The following MDM1 variants were observed in gnomAD, a reference collection of about 807,000 sequenced individuals.
MDM1 encodes Mdm1 nuclear protein.
Under a neutral mutation model 89.1 loss-of-function variants are expected in MDM1, and 61 were observed. The observed-to-expected ratio is 0.68, with a 90% CI of 0.56 to 0.85. The LOEUF (loss-of-function observed/expected upper bound fraction) is 0.85. Ranked by LOEUF, MDM1 falls within the 40% of genes least tolerant of loss-of-function variation. The pLI is 0.00. For synonymous variants in MDM1, 290 were observed against 294.1 expected, an observed-to-expected ratio of 0.99 and a Z score of 0.14; for missense variants, 820 against 846.5, an observed-to-expected ratio of 0.97 and a Z score of 0.39.
At chr12:68,308,127 C>CTTTTTTTT (rs774192759) in intron 12 of MDM1, among the ~76,000 whole-genome samples, 1 of 138,858 alleles carries the variant, frequency 7.2e-6, no homozygotes, top group Non-Finnish European at 1.6e-5. Flanking sequence ...GCTGTTCCTT[C>CTTTTTTTT]TTTTTTTTTT....
At chr12:68,301,933 C>T (rs907269308) in intron 13 of MDM1, among the ~76,000 whole-genome samples, 2 of 152,110 alleles carry the variant, frequency 1.3e-5, no homozygotes, top group Non-Finnish European at 2.9e-5. Context: ...CTGCCTTGGC[C>T]TCCCAAAGTG....
intron 13 of MDM1, 137 bp from the exon 14 acceptor site, chr12:68,297,119 T>TA: frequency 2.2e-6 from 1 of 452,342 alleles, no homozygotes; most frequent in Non-Finnish European, 3.8e-6. Flanking sequence ...AGTAAAGGTT[T>TA]AAGAAATGAA....
Position 68,295,328 on chromosome 12 carries a change from C to T in MDM1, c.2101G>A (p.Ala701Thr), listed in dbSNP as rs748685132. 1 of 1,613,176 alleles carries T rather than the reference C, an allele frequency of 6.2e-7. No individual in the cohort carries two copies. The highest frequency in any genetic ancestry group is 1.3e-5 in the African/African-American group (1 of 74,894). The change falls in exon 15 of 15, where the codon GCT (alanine) becomes ACT (threonine). Residue 701 changes from alanine to threonine, a missense_variant. Transcript: ENST00000682720. ...RLSEISARSA[A>T]SSLRAFQTLA... ...GTTTGAAAAGCCCGGAGACTAGAAGCTGCAGAGCGAGCAGAAATCTCAGAC... is the reference window on the plus strand; with the variant it reads ...GTTTGAAAAGCCCGGAGACTAGAAGTTGCAGAGCGAGCAGAAATCTCAGAC...
At chr12:68,306,392 G>C (rs1028892304) in intron 12 of MDM1, among the ~76,000 whole-genome samples, 11 of 152,042 alleles carry the variant, frequency 7.2e-5, no homozygotes, top group Non-Finnish European at 1.2e-4. Flanking sequence ...AAAAACAAAT[G>C]TAACAAAAAC....
At chr12:68,310,495 AGCTC>A (rs1310190607) in intron 12 of MDM1, among the ~76,000 whole-genome samples, 4 of 152,316 alleles carry the variant, frequency 2.6e-5, no homozygotes, top group African/African-American at 9.6e-5. Flanking sequence ...GTTGCCTAAA[AGCTC>A]ACACCTTCCA....
chr12:68,302,906 C>G (rs373758206), intron 12 of MDM1, 34 bp from the exon 13 acceptor site: 7 of 1,309,496 alleles, frequency 5.3e-6, no homozygotes, highest in Non-Finnish European at 7.4e-6. Flanking sequence ...AAAAAAGATG[C>G]CTATGTGTAG....
At position 68,325,620 on chromosome 12, in the gene MDM1, T is replaced by C. The variant is rs375824811; in HGVS notation, c.499-45A>G. ...CACTCAAAGACATTAAAAATTTCTA[T>C]TCAAACTTTTTAAAAATTGTGGTAA... is the stretch of plus-strand genomic sequence containing the variant. On this transcript the variant is annotated intron_variant, in intron 3 of 14. Transcript: ENST00000682720. The C allele has an allele frequency of 1.1e-5, 16 of 1,444,742 alleles. No individual in the cohort carries two copies. In the African/African-American group the frequency reaches 2.0e-4, roughly 18 times the overall value. The allele number at this position is 1,444,742 out of a possible 1,614,324, so 89.5% of individuals were successfully genotyped here. A position where few individuals can be genotyped will look rare whatever the true frequency, so the allele number is the denominator to read the frequency against.
chr12:68,308,305 T>C (rs1165493645), intron 12 of MDM1, among the ~76,000 whole-genome samples: 2 of 152,152 alleles, frequency 1.3e-5, no homozygotes, highest in African/African-American at 4.8e-5. Context: ...TTTGTAATTT[T>C]AGTAGAGACA....
rs1565791256 is a variant in MDM1, at chr12:68,332,188, T to C, written c.18+40A>G. 5 of 1,507,606 alleles carry C rather than the reference T, an allele frequency of 3.3e-6. No individual in the cohort carries two copies. In the African/African-American group the frequency reaches 4.2e-5, roughly 13 times the overall value. 93.4% of individuals were successfully genotyped at this position (1,507,606 alleles called of 1,614,324 possible). ...CGCTCCACACCTCCCCGGCCATGGC[T>C]CCCCCCAGCCACATTCCGGCCCGGG... On this transcript the variant is annotated intron_variant, in intron 1 of 14. Coordinates refer to ENST00000682720, the MANE Select transcript of MDM1 (RefSeq NM_001354969.2).
intron 10 of MDM1, among the ~76,000 whole-genome samples, chr12:68,314,734 G>A (rs1278353974): frequency 5.9e-5 from 9 of 152,108 alleles, no homozygotes; most frequent in Admixed American, 3.3e-4. Flanking sequence ...AAGTAGGCCA[G>A]AATTCAAGTA....
intron 7 of MDM1, among the ~76,000 whole-genome samples, chr12:68,319,630 T>G (rs1425699084): frequency 6.6e-6 from 1 of 152,220 alleles, no homozygotes; most frequent in African/African-American, 2.4e-5. Context: ...CAACTAAAAC[T>G]GTTATCATCA....
At chr12:68,305,885 T>C (rs1430654418) in intron 12 of MDM1, among the ~76,000 whole-genome samples, 1 of 139,072 alleles carries the variant, frequency 7.2e-6, no homozygotes, top group Admixed American at 7.4e-5. Context: ...TTTCACAGAA[T>C]TAGAAAAAGC....
chr12:68,325,820 A>G (rs1158412961), intron 3 of MDM1: 3 of 1,125,230 alleles, frequency 2.7e-6, no homozygotes, highest in Non-Finnish European at 3.3e-6. Flanking sequence ...TAGGCATCCC[A>G]GGAAAAATAT....
At chr12:68,325,408 G>T (rs1875819775) in intron 4 of MDM1, 33 bp downstream of exon 4, 2 of 1,454,464 alleles carry the variant, frequency 1.4e-6, no homozygotes, top group South Asian at 1.6e-5. Context: ...TAAGATAATG[G>T]TACTCAGAAA....
At chr12:68,299,607 T>G (rs2120745550) in intron 13 of MDM1, among the ~76,000 whole-genome samples, 1 of 152,168 alleles carries the variant, frequency 6.6e-6, no homozygotes, top group South Asian at 2.1e-4. Context: ...AAGACAAGGC[T>G]TTCGAATTAA....
intron 12 of MDM1, among the ~76,000 whole-genome samples, chr12:68,310,007 G>C (rs1239557958): frequency 6.6e-6 from 1 of 152,234 alleles, no homozygotes; most frequent in African/African-American, 2.4e-5. Context: ...GTCTTCCTCT[G>C]TCTTCCAGGC....
At chr12:68,329,964 G>A (rs545446644) in intron 2 of MDM1, among the ~76,000 whole-genome samples, 1 of 152,272 alleles carries the variant, frequency 6.6e-6, no homozygotes, top group East Asian at 1.9e-4. Context: ...AGCTGGGGCA[G>A]CGACCTCATC....
At chr12:68,327,586 A>G in intron 2 of MDM1, 1 of 1,408,620 alleles carries the variant, frequency 7.1e-7, no homozygotes, top group Non-Finnish European at 9.7e-7. Flanking sequence ...ATGGAAAGCA[A>G]ATGTCCAAAA....
intron 7 of MDM1, among the ~76,000 whole-genome samples, chr12:68,318,247 G>C (rs1874750247): frequency 6.6e-6 from 1 of 152,202 alleles, no homozygotes; most frequent in South Asian, 2.1e-4. Flanking sequence ...GGACCAATCA[G>C]TCCTGCACTG....
Sources: gnomAD v4.1 joint callset for allele counts (sites outside exome capture counted in the v4.1 genomes callset) on GRCh38, gnomAD v4.1.1 for gene constraint, MANE v1.5 for transcripts, NCBI Gene and HGNC (gene_info 2026-07-23, HGNC 2026-07-21) for gene names.